The following CDH18 variants were observed in gnomAD, a reference collection of about 807,000 sequenced individuals.
CDH18 encodes the protein cadherin 18.
A neutral mutation model predicts 67.9 loss-of-function variants in CDH18; 31 were observed. The ratio of observed to expected loss-of-function variants is 0.46; its 90% CI spans 0.34 to 0.62. The LOEUF is 0.62. Ranked by LOEUF, CDH18 falls within the 20% of genes least tolerant of loss-of-function variation. The probability of loss-of-function intolerance (pLI) is 0.01; values close to 1 mark genes in which losing one functional copy is unlikely to be tolerated. For missense variants in CDH18, 890 were observed against 975.5 expected (o/e 0.91, Z 1.17); for synonymous variants, 362 against 347.2 (o/e 1.04, Z -0.48).
At chr5:19,990,562 C>T (rs1035528841), upstream of CDH18, among the ~76,000 whole-genome samples, 1 of 152,144 alleles carries the variant, frequency 6.6e-6, no homozygotes, top group Non-Finnish European at 1.5e-5. Flanking sequence ...AGAATTCATT[C>T]ATCAAGGAAG....
chr5:20,471,833 T>TTAAAAAAAAAAAAAAA lies in CDH18; in HGVS notation c.-580+103628_-580+103629insTTTTTTTTTTTTTTTA, dbSNP rs757184101. 3.5e-4 allele frequency among the ~76,000 whole-genome samples: 18 copies of TTAAAAAAAAAAAAAAA among 51,490 alleles called. 2 individuals carry two copies. The highest frequency in any genetic ancestry group is 1.1e-3 in the African/African-American group (17 of 15,492). The allele number at this position is 51,490 out of a possible 152,430, so 33.8% of individuals were successfully genotyped here. On this transcript the variant is annotated intron_variant, in intron 1 of 14. Transcript: ENST00000507958. ...CTGGGCAACAGATCGAGATTCAGTC[T>TTAAAAAAAAAAAAAAA]AAAAAAAAAAAAAAAAAAGCAAAAG...
chr5:19,985,063 A>T (rs1424437100), intron 1 of CDH18, among the ~76,000 whole-genome samples: 1 of 152,166 alleles, frequency 6.6e-6, no homozygotes, highest in Non-Finnish European at 1.5e-5. Context: ...CATCTGAAGA[A>T]AATTAAAGTG....
At chr5:19,805,416 C>G (rs1267781878) in intron 3 of CDH18, among the ~76,000 whole-genome samples, 1 of 152,058 alleles carries the variant, frequency 6.6e-6, no homozygotes, top group Non-Finnish European at 1.5e-5. Flanking sequence ...TTCTCTTTCC[C>G]CTTTGAAGTT....
intron 5 of CDH18, among the ~76,000 whole-genome samples, chr5:19,707,526 T>C (rs1764126024): frequency 6.6e-6 from 1 of 152,190 alleles, no homozygotes; most frequent in South Asian, 2.1e-4. Context: ...CTACAGATGA[T>C]AGAGGCCCAT....
intron 1 of CDH18, among the ~76,000 whole-genome samples, chr5:20,382,458 T>C (rs1743987226): frequency 2.0e-5 from 3 of 152,060 alleles, no homozygotes; most frequent in South Asian, 4.1e-4. Context: ...ATGGAAGACA[T>C]TGGCTTTCAC....
intron 1 of CDH18, among the ~76,000 whole-genome samples, chr5:20,359,682 T>C (rs571329946): frequency 1.3e-5 from 2 of 152,308 alleles, no homozygotes; most frequent in South Asian, 4.1e-4. Flanking sequence ...TAGGAATATA[T>C]ATATCAGCCT....
At chr5:20,264,438 A>C (rs1349207583) in intron 1 of CDH18, among the ~76,000 whole-genome samples, 1 of 152,100 alleles carries the variant, frequency 6.6e-6, no homozygotes, top group East Asian at 1.9e-4. Flanking sequence ...TTAAATATGA[A>C]AATATTTAAT....
chr5:20,325,472 T>A (rs142089509), intron 1 of CDH18, among the ~76,000 whole-genome samples: 1 of 152,114 alleles, frequency 6.6e-6, no homozygotes, highest in African/African-American at 2.4e-5. Context: ...AGAAAATAAA[T>A]AATCAGAGCG....
chr5:19,605,605 T>C (rs1052225740), intron 6 of CDH18, among the ~76,000 whole-genome samples: 7 of 152,048 alleles, frequency 4.6e-5, no homozygotes, highest in African/African-American at 1.7e-4. Context: ...TATCTAACTC[T>C]GTCATATAAA....
rs1770137701 is a variant in CDH18 at position 19,747,201 on chromosome 5, G to A, written c.264C>T (p.Val88=). The A allele has an allele frequency of 6.2e-7, 1 of 1,613,874 alleles. No homozygotes were observed. The highest frequency in any genetic ancestry group is 1.7e-5 in the Admixed American group (1 of 60,006). The change falls in exon 4 of 13, where the codon GTC becomes GTT. Residue 88 remains valine, a synonymous_variant. Coordinates refer to ENST00000382275, the MANE Select transcript of CDH18 (RefSeq NM_004934.5). ...CACCCTCTCCAGTAAGGATGTACTT[G>A]ACAGATCCATCACCTTTGTCAGAAT... The part of the protein sequence containing the change: ...HSNSDKGDGS[V]KYILTGEGAG...
intron 1 of CDH18, among the ~76,000 whole-genome samples, chr5:20,290,695 GA>G (rs1232481520): frequency 1.3e-5 from 2 of 152,134 alleles, no homozygotes; most frequent in Non-Finnish European, 2.9e-5. Flanking sequence ...AAGCAAAGGT[GA>G]TATGTTCAAA....
At chr5:19,696,540 A>C (rs896805848) in intron 5 of CDH18, among the ~76,000 whole-genome samples, 1 of 151,794 alleles carries the variant, frequency 6.6e-6, no homozygotes, top group African/African-American at 2.4e-5. Context: ...CATCTTAAAA[A>C]AAAAAAAAGA....
intron 5 of CDH18, among the ~76,000 whole-genome samples, chr5:19,696,657 GT>G (rs1197049944): frequency 2.0e-5 from 3 of 152,002 alleles, no homozygotes; most frequent in African/African-American, 7.2e-5. Context: ...GCCTCCCAAA[GT>G]GCTGGGATTA....
chr5:19,792,281 G>C (rs902434473), intron 3 of CDH18, among the ~76,000 whole-genome samples: 1 of 152,078 alleles, frequency 6.6e-6, no homozygotes, highest in Non-Finnish European at 1.5e-5. Flanking sequence ...CTAGAGCTGG[G>C]GCGTTCATCT....
chr5:20,361,144 GTTCA>G (rs920386158), intron 1 of CDH18, among the ~76,000 whole-genome samples: 3 of 151,816 alleles, frequency 2.0e-5, no homozygotes, highest in South Asian at 2.1e-4. Flanking sequence ...ATTAAAAATT[GTTCA>G]TTCATTCATT....
intron 7 of CDH18, among the ~76,000 whole-genome samples, chr5:19,583,996 C>G (rs975060542): frequency 1.3e-5 from 2 of 151,972 alleles, no homozygotes; most frequent in Non-Finnish European, 2.9e-5. Flanking sequence ...ATCAGAAGGC[C>G]AAATAGAATC....
intron 2 of CDH18, among the ~76,000 whole-genome samples, chr5:20,029,579 A>G (rs1255130275): frequency 6.6e-6 from 1 of 152,216 alleles, no homozygotes; most frequent in Non-Finnish European, 1.5e-5. Context: ...GGATGTTTCC[A>G]TAAGATTATG....
intron 5 of CDH18, among the ~76,000 whole-genome samples, chr5:19,677,721 T>C (rs1179354935): frequency 6.6e-6 from 1 of 151,818 alleles, no homozygotes; most frequent in Non-Finnish European, 1.5e-5. Flanking sequence ...CAGAAAAATC[T>C]ACCAAGCAAA....
intron 1 of CDH18, among the ~76,000 whole-genome samples, chr5:20,525,831 C>T (rs968996904): frequency 6.6e-6 from 1 of 151,016 alleles, no homozygotes; most frequent in Non-Finnish European, 1.5e-5. Flanking sequence ...CACACACACA[C>T]ATTGAGCCAG....
Sources: gnomAD v4.1 joint callset for allele counts (sites outside exome capture counted in the v4.1 genomes callset) on GRCh38, gnomAD v4.1.1 for gene constraint, MANE v1.5 for transcripts, NCBI Gene and HGNC (gene_info 2026-07-23, HGNC 2026-07-21) for gene names.